GALNT16: variants seen among roughly 807,000 people sequenced by gnomAD.
The protein encoded by GALNT16 is UDP-GalNAc:polypeptide N-acetylgalactosaminyltransferase-like protein 1.
GALNT16 carries 40 observed loss-of-function variants against 76.1 expected under a neutral mutation model. The ratio of observed to expected loss-of-function variants is 0.53; its 90% CI spans 0.41 to 0.68. GALNT16 has a LOEUF of 0.68. Among genes scored for constraint, GALNT16 ranks in the 30% least tolerant of loss-of-function variants. The pLI is 0.00. For missense variants in GALNT16, 621 were observed against 731.9 expected (o/e 0.85, Z 1.75); for synonymous variants, 276 against 285.2 (o/e 0.97, Z 0.32).
At chr14:69,331,310 G>A (rs2045348717) in intron 6 of GALNT16, among the ~76,000 whole-genome samples, 154 bp from the exon 7 acceptor site, 1 of 152,190 alleles carries the variant, frequency 6.6e-6, no homozygotes, top group African/African-American at 2.4e-5. Context: ...CAGCTGCCAG[G>A]AGCCTGCCAG....
chr14:69,331,435 CCT>C (rs1375667863), intron 6 of GALNT16, 27 bp from the exon 7 acceptor site: 6 of 1,282,858 alleles, frequency 4.7e-6, no homozygotes, highest in Non-Finnish European at 4.6e-6. Flanking sequence ...AAGTCCCAGG[CCT>C]CACACCATCT....
chr14:69,338,442 T>C (rs1594862067), intron 9 of GALNT16, among the ~76,000 whole-genome samples: 1 of 152,166 alleles, frequency 6.6e-6, no homozygotes, highest in Non-Finnish European at 1.5e-5. Context: ...CATGTGTATA[T>C]GTGTGTGTGT....
At chr14:69,287,055 C>T (rs11158801) in intron 1 of GALNT16, among the ~76,000 whole-genome samples, 1 of 151,898 alleles carries the variant, frequency 6.6e-6, no homozygotes, top group African/African-American at 2.4e-5. Flanking sequence ...GAGACTTTCC[C>T]GGACATATGA....
At chr14:69,337,626 C>T (rs530594804) in intron 9 of GALNT16, among the ~76,000 whole-genome samples, 18 of 152,168 alleles carry the variant, frequency 1.2e-4, no homozygotes, top group Non-Finnish European at 2.1e-4. Flanking sequence ...GGATGCCTGG[C>T]AGTTTATAGG....
At chr14:69,293,217 T>G (rs780463419) in intron 1 of GALNT16, among the ~76,000 whole-genome samples, 10 of 152,234 alleles carry the variant, frequency 6.6e-5, no homozygotes, top group Non-Finnish European at 7.3e-5. Flanking sequence ...GCCTGGGCCT[T>G]AAACCTCAGC....
At chr14:69,289,564 G>A (rs1271993137) in intron 1 of GALNT16, among the ~76,000 whole-genome samples, 1 of 152,098 alleles carries the variant, frequency 6.6e-6, no homozygotes, top group African/African-American at 2.4e-5. Context: ...GTCTCCACAG[G>A]GGCCTACAAG....
the GALNT16 span, among the ~76,000 whole-genome samples, chr14:69,382,468 T>C: frequency 6.6e-5 from 10 of 151,864 alleles, no homozygotes; most frequent in Admixed American, 6.6e-4. Context: ...TTTATACCAT[T>C]CCCCCCAACA....
At position 69,325,382 on chromosome 14, in the gene GALNT16, A is replaced by G. The variant is rs988127739; in HGVS notation, c.480A>G (p.Leu160=). 2.5e-6 allele frequency: 4 copies of G among 1,596,366 alleles called. No homozygotes were observed. The African/African-American group carries it at 4.0e-5, about 16-fold the overall frequency. ...CCAACTTGATCCAGGAGATCATTTT[A>G]GTGGATGACTTCAGCTCAGATCGTG... ...TPANLIQEII[L]VDDFSSDPED... Residue 160 remains leucine (L), a synonymous_variant, in exon 4 of 15, where the codon TTA becomes TTG. Transcript: ENST00000448469.
At chr14:69,376,053 T>C in the GALNT16 span, among the ~76,000 whole-genome samples, 29 of 152,228 alleles carry the variant, frequency 1.9e-4, 1 homozygote, top group South Asian at 6.0e-3. Flanking sequence ...CTTTTTATTT[T>C]TGAGATACTG....
At chr14:69,290,667 G>T (rs2044677419) in intron 1 of GALNT16, among the ~76,000 whole-genome samples, 1 of 152,228 alleles carries the variant, frequency 6.6e-6, no homozygotes, top group South Asian at 2.1e-4. Context: ...CCAGAATTCA[G>T]ACTGGCTTAG....
intron 1 of GALNT16, 59 bp downstream of exon 1, chr14:69,260,526 C>G: frequency 8.4e-7 from 1 of 1,195,680 alleles, no homozygotes; most frequent in Non-Finnish European, 1.0e-6. Context: ...CGTCCAGACC[C>G]TGCGCGGCGG....
intron 1 of GALNT16, among the ~76,000 whole-genome samples, chr14:69,279,103 T>C (rs545784045): frequency 6.6e-6 from 1 of 152,168 alleles, no homozygotes; most frequent in East Asian, 1.9e-4. Flanking sequence ...GGCTAATTTT[T>C]GTATTTTTAG....
chr14:69,353,699 A>G lies in GALNT16; in HGVS notation c.*1531A>G, dbSNP rs1351001691. On this transcript the variant is annotated 3_prime_UTR_variant, in exon 15 of 15. Coordinates refer to ENST00000448469, the MANE Select transcript of GALNT16 (RefSeq NM_001168368.2). Reference sequence around the variant, plus strand: ...CTTGAAATTGTCCCTAAAATACTGCATGTGTGTGCATACATGCATTTTCCT... The same window carrying G: ...CTTGAAATTGTCCCTAAAATACTGCGTGTGTGTGCATACATGCATTTTCCT... 1 of 152,104 alleles carries G rather than the reference A, an allele frequency of 6.6e-6. No individual in the cohort carries two copies. The highest frequency in any genetic ancestry group is 2.4e-5 in the African/African-American group (1 of 41,398). 9.4% of individuals were successfully genotyped at this position (152,104 alleles called of 1,614,324 possible).
At chr14:69,326,859 T>G (rs1265682563) in intron 5 of GALNT16, among the ~76,000 whole-genome samples, 1 of 152,138 alleles carries the variant, frequency 6.6e-6, no homozygotes, top group Non-Finnish European at 1.5e-5. Context: ...GGGTGATGAA[T>G]AGAGCAGCCA....
intron 5 of GALNT16, among the ~76,000 whole-genome samples, chr14:69,328,137 G>T (rs2045308587): frequency 6.6e-6 from 1 of 152,058 alleles, no homozygotes; most frequent in Non-Finnish European, 1.5e-5. Context: ...TTCTCCTTTG[G>T]GATCAAACTA....
intron 12 of GALNT16, among the ~76,000 whole-genome samples, chr14:69,346,616 A>T (rs1013032588): frequency 2.6e-5 from 4 of 152,226 alleles, no homozygotes; most frequent in African/African-American, 9.7e-5. Context: ...ACTGAGATTA[A>T]ACACATTTTC....
chr14:69,333,648 C>A lies in GALNT16; in HGVS notation c.967+48C>A. On this transcript the variant is annotated intron_variant, in intron 9 of 14. Coordinates refer to ENST00000448469, the MANE Select transcript of GALNT16 (RefSeq NM_001168368.2). The surrounding 1 kb of genome is among the most constrained non-coding windows in gnomAD (Gnocchi z 4.2). ...TGAAAATAACAGTAGCAGTAATAAC[C>A]ACAGTTAACCCTGACAGAGCACTTT... 1.0e-6 allele frequency: 1 copy of A among 981,546 alleles called. No individual in the cohort carries two copies. The highest frequency in any genetic ancestry group is 1.3e-5 in the South Asian group (1 of 78,168). The allele number at this position is 981,546 out of a possible 1,614,324, so 60.8% of individuals were successfully genotyped here.
intron 1 of GALNT16, among the ~76,000 whole-genome samples, chr14:69,266,951 G>T (rs1369871515): frequency 6.6e-6 from 1 of 152,210 alleles, no homozygotes; most frequent in African/African-American, 2.4e-5. Context: ...TGGAGGTGCT[G>T]GTCTTTAGCA....
intron 1 of GALNT16, among the ~76,000 whole-genome samples, chr14:69,304,053 G>A (rs922676283): frequency 7.9e-5 from 12 of 151,754 alleles, no homozygotes; most frequent in South Asian, 2.1e-4. Flanking sequence ...CTTTTTTTCC[G>A]GGCTCTTTTT....
Sources: allele counts gnomAD v4.1 joint callset (sites outside exome capture counted in the v4.1 genomes callset), GRCh38; gene constraint gnomAD v4.1.1; non-coding constraint Gnocchi (gnomAD v3.1); transcripts MANE v1.5; gene names NCBI Gene and HGNC (gene_info 2026-07-23, HGNC 2026-07-21).